KCNH1: variants seen among roughly 807,000 people sequenced by gnomAD.
KCNH1 encodes potassium voltage-gated channel subfamily H member 1, also known as voltage-gated delayed rectifier potassium channel KCNH1.
KCNH1 carries 27 observed loss-of-function variants against 69.2 expected under a neutral mutation model. The ratio of observed to expected loss-of-function variants is 0.39; its 90% CI spans 0.29 to 0.54. The LOEUF (loss-of-function observed/expected upper bound fraction) is 0.54, where lower values mean the gene tolerates loss of function less well. KCNH1 is among the 20% of genes least tolerant of loss of function. KCNH1 has a pLI of 0.68. For synonymous variants in KCNH1, 456 were observed against 487.7 expected (o/e 0.93, Z 0.86); for missense variants, 798 against 1,261.6 (o/e 0.63, Z 5.57).
chr1:210,844,749 G>T (rs1329925458), intron 7 of KCNH1, among the ~76,000 whole-genome samples: 2 of 152,114 alleles, frequency 1.3e-5, no homozygotes, highest in African/African-American at 4.8e-5. Flanking sequence ...GAAGGAAATA[G>T]AGACACAAAA....
Position 210,919,994 on chromosome 1 carries a change from G to T in KCNH1, c.1108C>A (p.His370Asn). 6.2e-7 allele frequency: 1 copy of T among 1,614,124 alleles called. No homozygotes were observed. The highest frequency in any genetic ancestry group is 8.5e-7 in the Non-Finnish European group (1 of 1,180,014). The change falls in exon 7 of 11, where the codon CAC (histidine) becomes AAC (asparagine). Residue 370 changes from histidine (H) to asparagine (N), a missense_variant. Around this residue, in one of 4 missense-constraint regions of KCNH1, gnomAD observed 266 missense variants for 457.2 expected, o/e 0.58. Transcript: ENST00000271751. This position sits in a 1 kb window ranked among gnomAD's most constrained non-coding sequence, Gnocchi z 4.2. ...RLGRVARKLD[H>N]YIEYGAAVLV... is the part of the protein sequence containing the mutation. ...ACAGCAGCTCCATATTCAATGTAGT[G>T]GTCCAGCTTACGGGCCACTCGCCCA...
At chr1:210,834,183 G>A (rs1249263897) in intron 7 of KCNH1, among the ~76,000 whole-genome samples, 6 of 151,730 alleles carry the variant, frequency 4.0e-5, no homozygotes, top group African/African-American at 1.5e-4. Context: ...TCCCATTACT[G>A]GGTATATACC....
At chr1:211,097,012 T>C (rs937001410) in intron 3 of KCNH1, among the ~76,000 whole-genome samples, 1 of 152,216 alleles carries the variant, frequency 6.6e-6, no homozygotes, top group Non-Finnish European at 1.5e-5. Flanking sequence ...ATTATTCCCA[T>C]TTCAAATGTG....
chr1:210,855,867 G>A (rs933645141), intron 7 of KCNH1, among the ~76,000 whole-genome samples: 2 of 152,108 alleles, frequency 1.3e-5, no homozygotes, highest in African/African-American at 4.8e-5. Context: ...CTGTACCTGG[G>A]TGGCTCATTC....
At chr1:210,809,052 T>C (rs1418246772) in intron 7 of KCNH1, among the ~76,000 whole-genome samples, 2 of 152,072 alleles carry the variant, frequency 1.3e-5, no homozygotes, top group Admixed American at 1.3e-4. Flanking sequence ...GTTTCTTTCA[T>C]ATTTCAGTGG....
At chr1:211,059,018 C>T (rs371524890) in intron 5 of KCNH1, among the ~76,000 whole-genome samples, 16 of 152,246 alleles carry the variant, frequency 1.1e-4, no homozygotes, top group African/African-American at 3.4e-4. Context: ...CGGTGGCTCA[C>T]GCCTGTAATC....
At chr1:210,821,499 T>C (rs1417829998) in intron 7 of KCNH1, among the ~76,000 whole-genome samples, 1 of 152,148 alleles carries the variant, frequency 6.6e-6, no homozygotes, top group African/African-American at 2.4e-5. Flanking sequence ...GACCTCACCA[T>C]GTATCACCTA....
In KCNH1 at chr1:211,019,090, T is replaced by C. The variant is rs765601415; in HGVS notation, c.725A>G (p.Lys242Arg). 6.2e-7 allele frequency: 1 copy of C among 1,614,008 alleles called. No homozygotes were observed. Among genetic ancestry groups the C allele is most frequent in the Non-Finnish European group, 8.5e-7 (1 of 1,179,974 alleles). ...AILVPYNVSF[K>R]TRQNNVAWLV... is the part of the protein sequence containing the mutation. ...CCAGGCCACATTATTCTGCCTGGTT[T>C]TGAAGGAGACATTATAAGGGACCAA... The change falls in exon 6 of 11, where the codon AAA (lysine) becomes AGA (arginine). Residue 242 changes from lysine (K) to arginine (R), a missense_variant. By Grantham distance (26) the Lys-to-Arg change is conservative (BLOSUM62 2). Around this residue, in one of 4 missense-constraint regions of KCNH1, gnomAD observed 266 missense variants for 457.2 expected, o/e 0.58. Transcript: ENST00000271751.
At chr1:211,115,566 A>G (rs1278119597) in intron 1 of KCNH1, among the ~76,000 whole-genome samples, 1 of 151,688 alleles carries the variant, frequency 6.6e-6, no homozygotes, top group East Asian at 1.9e-4. Context: ...CCTGTGCTGG[A>G]TGCTTCCTGC....
chr1:210,733,932 T>G (rs1682805096), intron 10 of KCNH1, among the ~76,000 whole-genome samples: 1 of 137,230 alleles, frequency 7.3e-6, no homozygotes, highest in Admixed American at 7.9e-5. Flanking sequence ...CATCTTCAAT[T>G]AGTATGTCTG....
chr1:210,994,802 C>A (rs912217244), intron 6 of KCNH1, among the ~76,000 whole-genome samples: 1 of 152,132 alleles, frequency 6.6e-6, no homozygotes, highest in Non-Finnish European at 1.5e-5. Flanking sequence ...ATGCTAGAAT[C>A]AAACAAGCCT....
intron 6 of KCNH1, among the ~76,000 whole-genome samples, chr1:211,013,224 G>A (rs138211714): frequency 1.8e-4 from 27 of 152,330 alleles, no homozygotes; most frequent in African/African-American, 4.8e-4. Flanking sequence ...TGCTTTCAGC[G>A]TCAGTGATAA....
chr1:210,994,161 A>G (rs1688981477), intron 6 of KCNH1, among the ~76,000 whole-genome samples: 1 of 152,226 alleles, frequency 6.6e-6, no homozygotes, highest in African/African-American at 2.4e-5. Context: ...AATAGTTGGT[A>G]TTAATCATAC....
At chr1:210,931,237 TG>T (rs759047344) in intron 6 of KCNH1, among the ~76,000 whole-genome samples, 50 of 152,284 alleles carry the variant, frequency 3.3e-4, no homozygotes, top group Non-Finnish European at 6.3e-4. Flanking sequence ...CAGCACAATT[TG>T]CAATTGCAAA....
At chr1:210,697,830 G>A (rs1681678751) in intron 10 of KCNH1, among the ~76,000 whole-genome samples, 1 of 152,188 alleles carries the variant, frequency 6.6e-6, no homozygotes, top group African/African-American at 2.4e-5. Context: ...ACACATGCCC[G>A]GCAATCCTTG....
chr1:211,065,426 A>T (rs940193200), intron 5 of KCNH1, among the ~76,000 whole-genome samples: 1 of 152,210 alleles, frequency 6.6e-6, no homozygotes, highest in African/African-American at 2.4e-5. Context: ...TGTGGAACCT[A>T]AAAAAAGTTG....
At chr1:211,026,706 C>G (rs1407683536) in intron 5 of KCNH1, among the ~76,000 whole-genome samples, 1 of 152,192 alleles carries the variant, frequency 6.6e-6, no homozygotes. Context: ...TAATGAGGTG[C>G]CCCTTTCCCT....
chr1:210,858,402 C>A (rs928099958), intron 7 of KCNH1: 6 of 152,140 alleles, frequency 3.9e-5, no homozygotes, highest in Non-Finnish European at 8.8e-5. Flanking sequence ...GTGAGTGGAC[C>A]ACGAAGTCAC....
chr1:211,097,433 G>GT, intron 3 of KCNH1, among the ~76,000 whole-genome samples: 1 of 151,758 alleles, frequency 6.6e-6, no homozygotes, highest in African/African-American at 2.4e-5. Flanking sequence ...CTTCTAAATG[G>GT]TTTTTAAAAA....
Sources: allele counts gnomAD v4.1 joint callset (sites outside exome capture counted in the v4.1 genomes callset), GRCh38; gene constraint gnomAD v4.1.1; regional missense constraint gnomAD v4.1.1; non-coding constraint Gnocchi (gnomAD v3.1); transcripts MANE v1.5; gene names NCBI Gene and HGNC (gene_info 2026-07-23, HGNC 2026-07-21).